The following FUT8 variants were observed in gnomAD, a reference collection of about 807,000 sequenced individuals.
FUT8 encodes the protein fucosyltransferase 8.
In FUT8, 29 loss-of-function variants were observed where a neutral mutation model predicts 71.3. That is an observed-to-expected ratio of 0.41 (90% CI 0.30 to 0.55). The LOEUF is 0.55. Among genes scored for constraint, FUT8 ranks in the 20% least tolerant of loss-of-function variants. The pLI, the probability that FUT8 is intolerant of heterozygous loss-of-function variation, is 0.34. For synonymous variants in FUT8, 254 were observed against 239.3 expected (o/e 1.06, Z -0.57); for missense variants, 544 against 702.1 (o/e 0.77, Z 2.55).
intron 3 of FUT8, among the ~76,000 whole-genome samples, chr14:65,590,970 T>C (rs1290590395): frequency 6.6e-6 from 1 of 152,216 alleles, no homozygotes; most frequent in South Asian, 2.1e-4. Context: ...CAAAATGTTA[T>C]GGCCTTCAGT....
intron 2 of FUT8, among the ~76,000 whole-genome samples, chr14:65,482,769 G>A (rs1395848122): frequency 6.6e-6 from 1 of 152,018 alleles, no homozygotes; most frequent in Non-Finnish European, 1.5e-5. Context: ...AATAGATCAG[G>A]CCCTTTAAAT....
chr14:65,732,596 A>G (rs550629262), intron 9 of FUT8, among the ~76,000 whole-genome samples: 5 of 152,232 alleles, frequency 3.3e-5, no homozygotes, highest in Non-Finnish European at 7.3e-5. Context: ...CTACCAAAAT[A>G]TTACTTGGTG....
chr14:65,372,368 A>G, the FUT8 span, among the ~76,000 whole-genome samples: 1 of 151,530 alleles, frequency 6.6e-6, no homozygotes, highest in Non-Finnish European at 1.5e-5. Flanking sequence ...AATGATTTCT[A>G]TATTTTCAAA....
chr14:65,462,029 C>G (rs567123401), intron 2 of FUT8, among the ~76,000 whole-genome samples: 2 of 152,074 alleles, frequency 1.3e-5, no homozygotes, highest in East Asian at 3.8e-4. Flanking sequence ...TTTCAATTTC[C>G]TCATAGATAA....
In FUT8 at chr14:65,455,509, C is replaced by T. The variant is rs571592527; in HGVS notation, c.-325-112C>T. On this transcript the variant is annotated intron_variant, in intron 1 of 10. Transcript: ENST00000673929. ...TCAGTGTACAAAATAAGTGAATTTG[C>T]ATGTTATGACTGGCTACATAAAGAA... 5 of 391,628 alleles carry T rather than the reference C, an allele frequency of 1.3e-5. 1 individual carries two copies. In the South Asian group the frequency reaches 6.9e-4, roughly 54 times the overall value. The allele number at this position is 391,628 out of a possible 1,614,324, so 24.3% of individuals were successfully genotyped here.
At chr14:65,407,328 C>T (rs2065091933), upstream of FUT8, among the ~76,000 whole-genome samples, 1 of 152,136 alleles carries the variant, frequency 6.6e-6, no homozygotes, top group East Asian at 1.9e-4. Flanking sequence ...CTTGTAATGT[C>T]TTACAAGGTT....
rs375941391 is a variant in FUT8 at position 65,649,645 on chromosome 14, G to A, written c.598-19598G>A. Among the ~76,000 whole-genome samples, 20 of 152,302 alleles carry A rather than the reference G, an allele frequency of 1.3e-4. 3 individuals carry two copies. The highest frequency in any genetic ancestry group is 4.6e-4 in the African/African-American group (19 of 41,554). ...TAAAAGAGACCATTCAGTATTCAAA[G>A]CCTACACACTACAGAGGCTTTGAAT... On this transcript the variant is annotated intron_variant, in intron 6 of 10. Transcript: ENST00000673929.
intron 3 of FUT8, among the ~76,000 whole-genome samples, chr14:65,563,713 C>G (rs1307572302): frequency 6.6e-6 from 1 of 151,964 alleles, no homozygotes; most frequent in Non-Finnish European, 1.5e-5. Context: ...GTTCCATCTT[C>G]AATACTGATA....
the FUT8 span, among the ~76,000 whole-genome samples, chr14:65,389,107 C>T: frequency 2.6e-3 from 396 of 150,786 alleles, 2 homozygotes; most frequent in Middle Eastern, 0.039. Flanking sequence ...GATCCTCCTG[C>T]CTTGGTCTCC....
intron 2 of FUT8, among the ~76,000 whole-genome samples, chr14:65,553,381 C>T (rs1885400568): frequency 6.6e-6 from 1 of 152,016 alleles, no homozygotes; most frequent in South Asian, 2.1e-4. Flanking sequence ...TTTACATCTA[C>T]ATATATTATA....
chr14:65,594,037 A>C lies in FUT8; in HGVS notation c.204-21941A>C, dbSNP rs574981771. Among the ~76,000 whole-genome samples the C allele has an allele frequency of 1.7e-4, 26 of 152,380 alleles. No individual in the cohort carries two copies. In the South Asian group the frequency reaches 5.4e-3, roughly 32 times the overall value. On this transcript the variant is annotated intron_variant, in intron 3 of 10. Transcript: ENST00000673929. ...AGATGTGCTTTCTAACAAATTTCAC[A>C]GTGCCAGATTTGACTTTTAGTAAAT...
Position 65,534,722 on chromosome 14 carries a change from C to G in FUT8, c.-227-26615C>G, listed in dbSNP as rs117161989. ...TCTAGTTTTTGTGCCTAAAGGTGTTCATAATTGTCTGGTTATTTGTATTTC... is the reference window on the plus strand; with the variant it reads ...TCTAGTTTTTGTGCCTAAAGGTGTTGATAATTGTCTGGTTATTTGTATTTC... On this transcript the variant is annotated intron_variant, in intron 2 of 10. Transcript: ENST00000673929. 5.7e-3 allele frequency among the ~76,000 whole-genome samples: 870 copies of G among 151,824 alleles called. 31 individuals are homozygous for G. The East Asian group carries it at 0.093, about 16-fold the overall frequency.
chr14:65,514,369 G>A (rs2139830716), intron 2 of FUT8, among the ~76,000 whole-genome samples: 1 of 152,352 alleles, frequency 6.6e-6, no homozygotes, highest in East Asian at 1.9e-4. Flanking sequence ...TTATCAGGCA[G>A]TCTACCAAGA....
intron 2 of FUT8, among the ~76,000 whole-genome samples, chr14:65,468,937 A>G (rs1444467507): frequency 6.6e-6 from 1 of 151,918 alleles, no homozygotes; most frequent in Non-Finnish European, 1.5e-5. Flanking sequence ...AGCCAGGACT[A>G]CAGGTGTGTG....
chr14:65,486,347 C>G (rs1322125326), intron 2 of FUT8, among the ~76,000 whole-genome samples: 1 of 152,266 alleles, frequency 6.6e-6, no homozygotes, highest in East Asian at 1.9e-4. Flanking sequence ...CAGAAAAATA[C>G]TTAGAAATGT....
At chr14:65,714,126 T>A (rs540367135) in intron 7 of FUT8, among the ~76,000 whole-genome samples, 1 of 152,230 alleles carries the variant, frequency 6.6e-6, no homozygotes, top group South Asian at 2.1e-4. Context: ...TTGAAGAGAG[T>A]TTCCTTTCCT....
intron 2 of FUT8, among the ~76,000 whole-genome samples, chr14:65,518,804 A>T (rs543815536): frequency 1.3e-5 from 2 of 152,318 alleles, no homozygotes; most frequent in East Asian, 3.9e-4. Context: ...ATAGGCATGA[A>T]CTACTGTGCC....
intron 7 of FUT8, among the ~76,000 whole-genome samples, chr14:65,687,012 G>T (rs1168292468): frequency 6.6e-6 from 1 of 152,138 alleles, no homozygotes; most frequent in Non-Finnish European, 1.5e-5. Context: ...TTAGTAGAAT[G>T]GACTCTTTGT....
intron 2 of FUT8, among the ~76,000 whole-genome samples, chr14:65,537,866 C>G (rs903251711): frequency 6.6e-6 from 1 of 152,126 alleles, no homozygotes; most frequent in Admixed American, 6.5e-5. Context: ...GGCCGAGGTG[C>G]CCTCGGACTG....
Sources: allele counts gnomAD v4.1 joint callset (sites outside exome capture counted in the v4.1 genomes callset), GRCh38; gene constraint gnomAD v4.1.1; transcripts MANE v1.5; gene names NCBI Gene and HGNC (gene_info 2026-07-23, HGNC 2026-07-21).